The following MTHFS variants were observed in gnomAD, a reference collection of about 807,000 sequenced individuals.
MTHFS encodes the protein methenyltetrahydrofolate synthetase, also known as 5-formyltetrahydrofolate cyclo-ligase.
Under a neutral mutation model 12.7 loss-of-function variants are expected in MTHFS, and 7 were observed. The observed-to-expected ratio is 0.55, with a 90% CI of 0.31 to 1.03. The LOEUF (loss-of-function observed/expected upper bound fraction) is 1.03. MTHFS is among the 50% of genes least tolerant of loss of function. The probability of loss-of-function intolerance (pLI) is 0.05; values close to 1 mark genes in which losing one functional copy is unlikely to be tolerated. For missense variants in MTHFS, 252 were observed against 258.1 expected, an observed-to-expected ratio of 0.98 and a Z score of 0.16; for synonymous variants, 100 against 97.1, an observed-to-expected ratio of 1.03 and a Z score of -0.18.
intron 2 of MTHFS, among the ~76,000 whole-genome samples, chr15:79,849,702 C>T (rs551981160): frequency 6.6e-6 from 1 of 152,372 alleles, no homozygotes; most frequent in African/African-American, 2.4e-5. Flanking sequence ...TGTGCAAGAG[C>T]CAACCTGCTC....
At chr15:79,854,403 G>A (rs1197601419) in intron 2 of MTHFS, among the ~76,000 whole-genome samples, 1 of 152,212 alleles carries the variant, frequency 6.6e-6, no homozygotes, top group East Asian at 1.9e-4. Context: ...GTGTGGATGT[G>A]CACTGGGGGC....
At position 79,889,124 on chromosome 15, in the gene MTHFS, C is replaced by G; in HGVS notation, c.348G>C (p.Glu116Asp). The change falls in exon 2 of 3, where the codon GAG becomes GAC. Residue 116 changes from glutamate to aspartate, a missense_variant. Transcript: ENST00000258874. ...ACAAGGCCTCCTCCCGAACATCACC[C>G]TCACCAGGCTGAGGGATATTCCAGG... is the stretch of plus-strand genomic sequence containing the variant. ...KTSWNIPQPG[E>D]GDVREEALST... 2 of 1,614,184 alleles carry G rather than the reference C, an allele frequency of 1.2e-6. No homozygotes were observed. Among genetic ancestry groups the G allele is most frequent in the Non-Finnish European group, 1.7e-6 (2 of 1,180,036 alleles).
intron 1 of MTHFS, among the ~76,000 whole-genome samples, chr15:79,892,923 C>A (rs138761938): frequency 0.011 from 1,608 of 151,930 alleles, 20 homozygotes; most frequent in Non-Finnish European, 0.014. Context: ...TGCACTCCAG[C>A]CTGGCAACAG....
Position 79,896,865 on chromosome 15 carries a change from C to G in MTHFS, c.117+7G>C, listed in dbSNP as rs544557204. 2.6e-3 allele frequency: 4,013 copies of G among 1,542,248 alleles called. 8 individuals are homozygous for G. The highest frequency in any genetic ancestry group is 3.3e-3 in the Non-Finnish European group (3,784 of 1,146,270). On this transcript the variant is annotated splice_region_variant and intron_variant, in intron 1 of 2. Transcript: ENST00000258874. ...CGCCGCGGCTTCCGCTACGGGCGGC[C>G]TCGCACCTTCTGGCTCAGTACGCGG... is the stretch of plus-strand genomic sequence containing the variant.
chr15:79,891,963 C>CAAAA (rs57309663), intron 1 of MTHFS, among the ~76,000 whole-genome samples: 13 of 84,246 alleles, frequency 1.5e-4, no homozygotes, highest in Admixed American at 4.7e-4. Flanking sequence ...AACTCCATCT[C>CAAAA]AAAAAAAAAA....
intron 2 of MTHFS, 149 bp from the exon 3 acceptor site, chr15:79,845,591 A>C: frequency 2.6e-6 from 3 of 1,136,548 alleles, no homozygotes; most frequent in Non-Finnish European, 3.6e-6. Context: ...ACAGAGTTGG[A>C]CAAAAAAGGA....
intron 2 of MTHFS, among the ~76,000 whole-genome samples, chr15:79,850,670 A>C (rs1181722929): frequency 2.0e-5 from 3 of 152,206 alleles, no homozygotes; most frequent in Non-Finnish European, 2.9e-5. Flanking sequence ...TGGACAAGTA[A>C]GGTAAGGACA....
chr15:79,860,736 T>C (rs1219538181), intron 2 of MTHFS, among the ~76,000 whole-genome samples: 1 of 152,196 alleles, frequency 6.6e-6, no homozygotes, highest in African/African-American at 2.4e-5. Flanking sequence ...CAAAATTAAG[T>C]TACTTCCAAG....
intron 1 of MTHFS, among the ~76,000 whole-genome samples, chr15:79,891,747 C>A (rs1278011669): frequency 6.6e-6 from 1 of 151,966 alleles, no homozygotes; most frequent in African/African-American, 2.4e-5. Flanking sequence ...GCGGGTAGAT[C>A]ATCTGAGGTC....
intron 2 of MTHFS, among the ~76,000 whole-genome samples, chr15:79,871,263 T>C (rs1045903651): frequency 6.6e-6 from 1 of 151,806 alleles, no homozygotes; most frequent in African/African-American, 2.4e-5. Flanking sequence ...ATGTAACCAA[T>C]AGTAGAAATG....
intron 2 of MTHFS, among the ~76,000 whole-genome samples, chr15:79,852,602 G>C (rs2033736024): frequency 6.6e-6 from 1 of 152,140 alleles, no homozygotes; most frequent in Admixed American, 6.5e-5. Flanking sequence ...CACCATAATT[G>C]ATCACTTCTG....
chr15:79,891,556 G>T (rs4238512), intron 1 of MTHFS, among the ~76,000 whole-genome samples: 64,795 of 151,936 alleles, frequency 0.43, 14,160 homozygotes, highest in South Asian at 0.52. Context: ...GGAGAAAGCC[G>T]TGGAGTAGGG....
intron 2 of MTHFS, among the ~76,000 whole-genome samples, chr15:79,847,638 C>G (rs2033641777): frequency 7.0e-6 from 1 of 143,226 alleles, no homozygotes; most frequent in African/African-American, 2.6e-5. Context: ...CCACTGCACT[C>G]CAGCCTGGGC....
At chr15:79,889,473 A>AAAAAAAC in intron 1 of MTHFS, 119 bp from the exon 2 acceptor site, 3 of 1,225,204 alleles carry the variant, frequency 2.4e-6, no homozygotes, top group East Asian at 3.1e-5. Flanking sequence ...AAGAAAAAAA[A>AAAAAAAC]AGGGGGGGGG....
At chr15:79,868,102 T>A (rs911622364) in intron 2 of MTHFS, among the ~76,000 whole-genome samples, 3 of 152,232 alleles carry the variant, frequency 2.0e-5, no homozygotes, top group Admixed American at 6.5e-5. Context: ...ACAGTAAAAG[T>A]AACAGCCAAG....
At chr15:79,856,814 A>G (rs1053779544) in intron 2 of MTHFS, among the ~76,000 whole-genome samples, 3 of 152,182 alleles carry the variant, frequency 2.0e-5, no homozygotes, top group Non-Finnish European at 2.9e-5. Flanking sequence ...TTAGGCATTT[A>G]GGGAAGAGTC....
In MTHFS at chr15:79,889,205, G is replaced by A; in HGVS notation, c.267C>T (p.His89=). 1 of 1,614,164 alleles carries A rather than the reference G, an allele frequency of 6.2e-7. No homozygotes were observed. The highest frequency in any genetic ancestry group is 1.1e-5 in the South Asian group (1 of 91,080). Residue 89 remains histidine (H), a synonymous_variant, in exon 2 of 3, where the codon CAC becomes CAT. Transcript: ENST00000258874. ...FIPRYRFQSN[H]MDMVRIESPE... ...GTGATTCTATTCTCACCATATCCATGTGATTGCTCTGGAACCGGTACCGAG... is the reference window on the plus strand; with the variant it reads ...GTGATTCTATTCTCACCATATCCATATGATTGCTCTGGAACCGGTACCGAG...
rs780401692 is a variant in MTHFS, at chr15:79,897,013, C to T, written c.-25G>A. 3 of 1,502,456 alleles carry T rather than the reference C, an allele frequency of 2.0e-6. No individual in the cohort carries two copies. Among genetic ancestry groups the T allele is most frequent in the Non-Finnish European group, 1.8e-6 (2 of 1,130,950 alleles). The allele number at this position is 1,502,456 out of a possible 1,614,324, so 93.1% of individuals were successfully genotyped here. On this transcript the variant is annotated 5_prime_UTR_variant, in exon 1 of 3. Transcript: ENST00000258874. ...TCTCACGCCCAAGCCGAGTCCAGTCCCGCCCTCGGCGCCCTGGGCGCCCTC... is the reference window on the plus strand; with the variant it reads ...TCTCACGCCCAAGCCGAGTCCAGTCTCGCCCTCGGCGCCCTGGGCGCCCTC...
At position 79,856,571 on chromosome 15, in the gene MTHFS, T is replaced by C. The variant is rs534560270; in HGVS notation, c.380-11129A>G. Among the ~76,000 whole-genome samples the C allele has an allele frequency of 4.6e-5, 7 of 152,130 alleles. No individual in the cohort carries two copies. In the South Asian group the frequency reaches 8.3e-4, roughly 18 times the overall value. ...GAAGTCTTGAAAGCAGTCAAACCCA[T>C]AGAATCAGAAAGTAGAATGGTGGTT... On this transcript the variant is annotated intron_variant, in intron 2 of 2. Coordinates refer to ENST00000258874, the MANE Select transcript of MTHFS (RefSeq NM_006441.4).
Sources: allele counts gnomAD v4.1 joint callset (sites outside exome capture counted in the v4.1 genomes callset), GRCh38; gene constraint gnomAD v4.1.1; transcripts MANE v1.5; gene names NCBI Gene and HGNC (gene_info 2026-07-23, HGNC 2026-07-21).